LY96: variants seen among roughly 807,000 people sequenced by gnomAD.
The protein encoded by LY96 is lymphocyte antigen 96, also known as myeloid differentiation protein-2.
LY96 carries 18 observed loss-of-function variants against 18.9 expected under a neutral mutation model. The observed-to-expected ratio is 0.95, with a 90% CI of 0.66 to 1.41. The LOEUF (loss-of-function observed/expected upper bound fraction) is 1.41. Among genes scored for constraint, LY96 ranks in the 40% most tolerant of loss-of-function variants. The probability of loss-of-function intolerance (pLI) is 0.00; values close to 1 mark genes in which losing one functional copy is unlikely to be tolerated. For missense variants in LY96, 175 were observed against 182.4 expected, an observed-to-expected ratio of 0.96 and a Z score of 0.23; for synonymous variants, 66 against 62.6, an observed-to-expected ratio of 1.06 and a Z score of -0.26.
chr8:74,051,104 C>T, the LY96 span, among the ~76,000 whole-genome samples: 15 of 152,104 alleles, frequency 9.9e-5, no homozygotes, highest in Non-Finnish European at 1.9e-4. Context: ...AACATAAGCA[C>T]GAATGTGGCC....
At chr8:74,037,307 G>A in the LY96 span, among the ~76,000 whole-genome samples, 2 of 152,118 alleles carry the variant, frequency 1.3e-5, no homozygotes, top group Non-Finnish European at 2.9e-5. Context: ...GGATGAAGAT[G>A]ATACTGTGAA....
chr8:73,993,822 TC>T (rs55722404), intron 1 of LY96, among the ~76,000 whole-genome samples: 71,201 of 151,614 alleles, frequency 0.47, 16,732 homozygotes, highest in South Asian at 0.52. Context: ...CAAGTGATTC[TC>T]CCACCTTGGC....
chr8:74,074,899 C>A, the LY96 span, among the ~76,000 whole-genome samples: 2 of 152,118 alleles, frequency 1.3e-5, no homozygotes, highest in Non-Finnish European at 2.9e-5. Context: ...GTTTTGTGAC[C>A]TAACACATGA....
the LY96 span, among the ~76,000 whole-genome samples, chr8:74,049,679 A>G: frequency 6.6e-6 from 1 of 152,218 alleles, no homozygotes; most frequent in Non-Finnish European, 1.5e-5. Context: ...GCAATTCTAC[A>G]TGAGTGCTGT....
At chr8:74,009,414 AAAAG>A (rs143942236) in intron 2 of LY96, among the ~76,000 whole-genome samples, 1 of 150,962 alleles carries the variant, frequency 6.6e-6, no homozygotes, top group East Asian at 1.9e-4. Context: ...AAAAGAAAAG[AAAAG>A]AAAGAAAAGG....
the LY96 span, among the ~76,000 whole-genome samples, chr8:74,046,788 C>T: frequency 6.6e-6 from 1 of 152,160 alleles, no homozygotes; most frequent in African/African-American, 2.4e-5. Context: ...ACCTTCTCTT[C>T]CAGCAATCCC....
chr8:74,093,747 A>G, the LY96 span, among the ~76,000 whole-genome samples: 5 of 152,330 alleles, frequency 3.3e-5, no homozygotes, highest in Admixed American at 2.0e-4. Context: ...TGCCTCTCTC[A>G]TGCTTACATC....
chr8:74,029,439 C>A (rs11466007), downstream of LY96, among the ~76,000 whole-genome samples: 8,534 of 152,192 alleles, frequency 0.056, 783 homozygotes, highest in African/African-American at 0.19. Context: ...GTAATTGAAT[C>A]ATGGGGATGG....
chr8:74,041,810 A>G, the LY96 span, among the ~76,000 whole-genome samples: 1 of 152,210 alleles, frequency 6.6e-6, no homozygotes, highest in African/African-American at 2.4e-5. Context: ...ACACAGCTGA[A>G]CATAGACCCT....
chr8:74,019,677 T>C (rs1816719894), intron 3 of LY96, among the ~76,000 whole-genome samples: 1 of 152,124 alleles, frequency 6.6e-6, no homozygotes, highest in Non-Finnish European at 1.5e-5. Context: ...CTCAATAAAA[T>C]ACTGGCAAAC....
chr8:74,008,391 C>T (rs915024425), intron 2 of LY96, among the ~76,000 whole-genome samples: 2 of 152,192 alleles, frequency 1.3e-5, no homozygotes, highest in African/African-American at 2.4e-5. Context: ...CTTCTACACA[C>T]AGCACTGCTT....
chr8:74,083,993 T>G, the LY96 span, among the ~76,000 whole-genome samples: 1 of 152,254 alleles, frequency 6.6e-6, no homozygotes, highest in East Asian at 1.9e-4. Context: ...AGCCAAAACT[T>G]TTCTAATCTA....
chr8:74,048,637 A>C, the LY96 span: 6 of 152,342 alleles, frequency 3.9e-5, no homozygotes, highest in Middle Eastern at 3.4e-3. Flanking sequence ...AATTGCACTC[A>C]TTACTTTTAC....
the LY96 span, chr8:74,056,179 C>G: frequency 2.3e-3 from 377 of 167,422 alleles, 1 homozygote; most frequent in Non-Finnish European, 3.2e-3. Context: ...ACCTGCCCAG[C>G]TTTCATGGCA....
intron 3 of LY96, among the ~76,000 whole-genome samples, chr8:74,026,290 C>T (rs1013382645): frequency 2.6e-5 from 4 of 152,232 alleles, no homozygotes; most frequent in African/African-American, 9.6e-5. Context: ...CTGTGCTCCA[C>T]AGCTTGTGTG....
the LY96 span, among the ~76,000 whole-genome samples, chr8:74,074,658 G>C: frequency 6.6e-6 from 1 of 152,056 alleles, no homozygotes; most frequent in South Asian, 2.1e-4. Flanking sequence ...TGCCTTCTCT[G>C]TATCCCATAG....
At chr8:74,050,674 C>T in the LY96 span, among the ~76,000 whole-genome samples, 3 of 152,028 alleles carry the variant, frequency 2.0e-5, no homozygotes, top group African/African-American at 4.8e-5. Context: ...GCACTATTAC[C>T]ATCACCAAAA....
intron 3 of LY96, among the ~76,000 whole-genome samples, chr8:74,016,198 C>CCAGGAGATTATATCCTGTG (rs1371404834): frequency 6.6e-6 from 1 of 152,238 alleles, no homozygotes; most frequent in Non-Finnish European, 1.5e-5. Context: ...AAACAGCACA[C>CCAGGAGATTATATCCTGTG]CAGGAGATTA....
chr8:74,046,903 CTTT>C, the LY96 span, among the ~76,000 whole-genome samples: 2 of 135,146 alleles, frequency 1.5e-5, no homozygotes, highest in African/African-American at 2.8e-5. Flanking sequence ...CATTCTCATT[CTTT>C]TTTTTTTTTT....
Sources: gnomAD v4.1 joint callset for allele counts (sites outside exome capture counted in the v4.1 genomes callset) on GRCh38, gnomAD v4.1.1 for gene constraint, MANE v1.5 for transcripts, NCBI Gene and HGNC (gene_info 2026-07-23, HGNC 2026-07-21) for gene names.